IGF2R: variants seen among roughly 807,000 people sequenced by gnomAD.
IGF2R encodes cation-independent mannose-6-phosphate receptor.
In IGF2R, 91 loss-of-function variants were observed where a neutral mutation model predicts 270.6. The ratio of observed to expected loss-of-function variants is 0.34; its 90% CI spans 0.28 to 0.40. The LOEUF is 0.40. Among genes scored for constraint, IGF2R ranks in the 10% least tolerant of loss-of-function variants. The probability of loss-of-function intolerance (pLI) is 1.00; values close to 1 mark genes in which losing one functional copy is unlikely to be tolerated. For synonymous variants in IGF2R, 1,316 were observed against 1,258.9 expected (o/e 1.05, Z -0.96); for missense variants, 2,805 against 3,188.3 (o/e 0.88, Z 2.90).
At chr6:160,006,212 C>CTCGCGCCTCCCCCCT (rs1391687194) in intron 2 of IGF2R, 1 of 156,836 alleles carries the variant, frequency 6.4e-6, no homozygotes, top group Non-Finnish European at 1.4e-5. Context: ...CGCCTCCCCC[C>CTCGCGCCTCCCCCCT]TCGCGCCTCC....
At chr6:160,094,132 A>T (rs1052152602) in intron 44 of IGF2R, 1 of 432,188 alleles carries the variant, frequency 2.3e-6, no homozygotes, top group African/African-American at 2.0e-5. Flanking sequence ...TAACAACCCC[A>T]AATATGTTCT....
At chr6:160,104,458 A>T (rs8191954) in intron 47 of IGF2R, among the ~76,000 whole-genome samples, 1 of 150,198 alleles carries the variant, frequency 6.7e-6, no homozygotes, top group African/African-American at 2.5e-5. Context: ...ACCCTCCCAA[A>T]CCCTCCTGCC....
intron 36 of IGF2R, 32 bp downstream of exon 36, chr6:160,076,028 C>G: frequency 6.2e-7 from 1 of 1,607,860 alleles, no homozygotes; most frequent in Non-Finnish European, 8.5e-7. Flanking sequence ...TCTAGATGCT[C>G]AACTGCGGGT....
At chr6:160,032,199 T>C (rs1037234242) in intron 7 of IGF2R, among the ~76,000 whole-genome samples, 1 of 152,212 alleles carries the variant, frequency 6.6e-6, no homozygotes, top group Non-Finnish European at 1.5e-5. Flanking sequence ...CGCTTGCCGA[T>C]GTCCTAGTGA....
chr6:160,062,012 G>A (rs891215762), intron 25 of IGF2R, 84 bp downstream of exon 25: 9 of 1,343,152 alleles, frequency 6.7e-6, no homozygotes, highest in Non-Finnish European at 7.3e-6. Context: ...CTTCTATCTT[G>A]TTTAAAACTT....
At chr6:160,040,460 G>A in intron 10 of IGF2R, 100 bp from the exon 11 acceptor site, 1 of 940,840 alleles carries the variant, frequency 1.1e-6, no homozygotes, top group African/African-American at 1.6e-5. Flanking sequence ...TTTTAACGGA[G>A]CAGTTGGCAT....
At chr6:160,095,279 G>T (rs1317257545) in intron 44 of IGF2R, 1 of 152,472 alleles carries the variant, frequency 6.6e-6, no homozygotes. Flanking sequence ...TGAACAAGGA[G>T]GCTGCGCACC....
At chr6:160,101,702 C>T (rs1221293318) in intron 45 of IGF2R, among the ~76,000 whole-genome samples, 1 of 152,174 alleles carries the variant, frequency 6.6e-6, no homozygotes, top group Admixed American at 6.6e-5. Context: ...TGACAGAGGG[C>T]CAGAGAGATT....
intron 29 of IGF2R, among the ~76,000 whole-genome samples, chr6:160,065,842 A>ATATATG (rs1778571996): frequency 9.5e-6 from 1 of 104,890 alleles, no homozygotes; most frequent in Admixed American, 9.6e-5. Context: ...ATATATATAT[A>ATATATG]TATGTATTTT....
At chr6:160,011,490 A>G (rs1784333889) in intron 4 of IGF2R, among the ~76,000 whole-genome samples, 1 of 149,620 alleles carries the variant, frequency 6.7e-6, no homozygotes, top group Non-Finnish European at 1.5e-5. Flanking sequence ...ATTTTGAAAT[A>G]TGTATACATT....
chr6:159,980,328 C>G (rs1783780235), intron 1 of IGF2R, among the ~76,000 whole-genome samples: 1 of 152,116 alleles, frequency 6.6e-6, no homozygotes, highest in South Asian at 2.1e-4. Flanking sequence ...AGCTGCTTTT[C>G]CTCTTCAGGT....
At chr6:159,976,909 ACT>A (rs1783703674) in intron 1 of IGF2R, among the ~76,000 whole-genome samples, 1 of 152,110 alleles carries the variant, frequency 6.6e-6, no homozygotes. Context: ...GGTCAAAGTT[ACT>A]CATGGTGCTG....
intron 30 of IGF2R, 100 bp from the exon 31 acceptor site, chr6:160,069,768 A>G: frequency 9.6e-7 from 1 of 1,039,660 alleles, no homozygotes; most frequent in Admixed American, 2.4e-5. Flanking sequence ...TAGAAAGCGT[A>G]TGAAGTTCTG....
chr6:159,987,703 A>G (rs532035122), intron 1 of IGF2R, among the ~76,000 whole-genome samples: 1 of 152,270 alleles, frequency 6.6e-6, no homozygotes, highest in East Asian at 1.9e-4. Flanking sequence ...AGTTTGTTTT[A>G]AAGGAGACAT....
chr6:160,096,360 T>G (rs1207855661), intron 44 of IGF2R, 79 bp from the exon 45 acceptor site: 2 of 1,342,770 alleles, frequency 1.5e-6, no homozygotes, highest in Non-Finnish European at 2.1e-6. Flanking sequence ...TGCAAACTTT[T>G]TAGACCGTAA....
intron 14 of IGF2R, 136 bp from the exon 15 acceptor site, chr6:160,046,362 C>A (rs1336485461): frequency 1.3e-6 from 1 of 785,680 alleles, no homozygotes; most frequent in African/African-American, 1.7e-5. Context: ...GGCAGCGTCT[C>A]TTCTGCCTCC....
Position 160,079,530 on chromosome 6 carries a change from A to G in IGF2R, c.5479-50A>G, listed in dbSNP as rs1220716857. 4 of 1,304,386 alleles carry G rather than the reference A, an allele frequency of 3.1e-6. No homozygotes were observed. The East Asian group carries it at 8.5e-5, about 28-fold the overall frequency. 80.8% of individuals were successfully genotyped at this position (1,304,386 alleles called of 1,614,324 possible). A position where few individuals can be genotyped will look rare whatever the true frequency, so the allele number is the denominator to read the frequency against. Reference sequence around the variant, plus strand: ...CAATAGTGGTTCTCTCTTCACTTTGAGACCTGGGTGCTGCCACTCTGCTGA... The same window carrying G: ...CAATAGTGGTTCTCTCTTCACTTTGGGACCTGGGTGCTGCCACTCTGCTGA... On this transcript the variant is annotated intron_variant, in intron 37 of 47. Transcript: ENST00000356956.
At chr6:159,985,877 T>C (rs1406858955) in intron 1 of IGF2R, among the ~76,000 whole-genome samples, 1 of 152,200 alleles carries the variant, frequency 6.6e-6, no homozygotes. Context: ...ATTTTACTTA[T>C]TTTTGCTGAT....
At chr6:160,093,348 G>A in intron 44 of IGF2R, 1 of 255,470 alleles carries the variant, frequency 3.9e-6, no homozygotes, top group Non-Finnish European at 7.7e-6. Flanking sequence ...CCCTCTTTTT[G>A]GGCAAGGTTA....
Sources: gnomAD v4.1 joint callset for allele counts (sites outside exome capture counted in the v4.1 genomes callset) on GRCh38, gnomAD v4.1.1 for gene constraint, MANE v1.5 for transcripts, NCBI Gene and HGNC (gene_info 2026-07-23, HGNC 2026-07-21) for gene names.